The following SLX4IP variants were observed in gnomAD, a reference collection of about 807,000 sequenced individuals.
SLX4IP encodes the protein SLX4 interacting protein.
In SLX4IP, 34 loss-of-function variants were observed where a neutral mutation model predicts 32.9. That is an observed-to-expected ratio of 1.03 (90% CI 0.79 to 1.38). SLX4IP has a LOEUF of 1.38. SLX4IP is among the 40% of genes most tolerant of loss of function. The probability of loss-of-function intolerance (pLI) is 0.00; values close to 1 mark genes in which losing one functional copy is unlikely to be tolerated. For missense variants in SLX4IP, 444 were observed against 479.0 expected, an observed-to-expected ratio of 0.93 and a Z score of 0.68; for synonymous variants, 172 against 171.7, an observed-to-expected ratio of 1.00 and a Z score of -0.01.
At chr20:10,484,816 T>C (rs186737488) in intron 2 of SLX4IP, among the ~76,000 whole-genome samples, 1 of 152,302 alleles carries the variant, frequency 6.6e-6, no homozygotes, top group East Asian at 1.9e-4. Flanking sequence ...GTATTCAAAT[T>C]GTCCATATAG....
chr20:10,515,513 A>G (rs947004802), intron 2 of SLX4IP, among the ~76,000 whole-genome samples: 4 of 152,358 alleles, frequency 2.6e-5, no homozygotes, highest in Admixed American at 6.5e-5. Flanking sequence ...TGTAATTACC[A>G]GTTTTACTTT....
intron 2 of SLX4IP, among the ~76,000 whole-genome samples, chr20:10,464,951 A>G (rs1449743825): frequency 6.6e-6 from 1 of 152,142 alleles, no homozygotes; most frequent in Non-Finnish European, 1.5e-5. Context: ...GCCACCGCAC[A>G]GCTGGCTCTT....
chr20:10,530,433 T>G (rs904232018), intron 2 of SLX4IP, among the ~76,000 whole-genome samples: 1 of 152,206 alleles, frequency 6.6e-6, no homozygotes, highest in Non-Finnish European at 1.5e-5. Context: ...TAACCTTTGA[T>G]GAAGTTAAGA....
In SLX4IP at chr20:10,623,870, C is replaced by G. The variant is rs776002539; in HGVS notation, c.*491C>G. 1 of 157,236 alleles carries G rather than the reference C, an allele frequency of 6.4e-6. No individual in the cohort carries two copies. Among genetic ancestry groups the G allele is most frequent in the Non-Finnish European group, 1.4e-5 (1 of 70,952 alleles). 9.7% of individuals were successfully genotyped at this position (157,236 alleles called of 1,614,324 possible). ...TAGCGCGTGGTCCTGGGACCAGCTTCGTTGTCTGGAAATGTGCTAGAAATG... is the reference window on the plus strand; with the variant it reads ...TAGCGCGTGGTCCTGGGACCAGCTTGGTTGTCTGGAAATGTGCTAGAAATG... On this transcript the variant is annotated 3_prime_UTR_variant, in exon 8 of 8. Coordinates refer to ENST00000334534, the MANE Select transcript of SLX4IP (RefSeq NM_001009608.3).
chr20:10,442,382 T>G (rs2065166303), intron 1 of SLX4IP, among the ~76,000 whole-genome samples: 2 of 152,200 alleles, frequency 1.3e-5, no homozygotes, highest in African/African-American at 4.8e-5. Context: ...TCTTTCTCAC[T>G]CCACTAAAAA....
intron 2 of SLX4IP, among the ~76,000 whole-genome samples, chr20:10,530,087 A>G (rs958150367): frequency 1.4e-4 from 21 of 152,068 alleles, no homozygotes. Context: ...ACAGGCTGAC[A>G]CTCTGCCTAC....
chr20:10,564,244 T>A (rs1419910117), intron 4 of SLX4IP, among the ~76,000 whole-genome samples: 2 of 152,220 alleles, frequency 1.3e-5, no homozygotes. Context: ...TTTATCTAAC[T>A]GCCTGTTTTC....
At position 10,623,434 on chromosome 20, in the gene SLX4IP, A is replaced by C; in HGVS notation, c.*55A>C. The C allele has an allele frequency of 1.3e-6, 2 of 1,539,036 alleles. No homozygotes were observed. The highest frequency in any genetic ancestry group is 1.7e-6 in the Non-Finnish European group (2 of 1,148,240). Reference sequence around the variant, plus strand: ...AGGACATAGTGGCCAAACCTGTGACAAGAGAGCTGCGAATATAGATGCCGG... The same window carrying C: ...AGGACATAGTGGCCAAACCTGTGACCAGAGAGCTGCGAATATAGATGCCGG... On this transcript the variant is annotated 3_prime_UTR_variant, in exon 8 of 8. Transcript: ENST00000334534.
intron 4 of SLX4IP, among the ~76,000 whole-genome samples, chr20:10,593,427 G>A (rs1257292699): frequency 6.6e-6 from 1 of 151,610 alleles, no homozygotes; most frequent in Non-Finnish European, 1.5e-5. Context: ...TTGTGTTTAG[G>A]CAACTGAGGT....
intron 6 of SLX4IP, among the ~76,000 whole-genome samples, chr20:10,620,971 G>A (rs529966551): frequency 3.9e-5 from 6 of 152,316 alleles, no homozygotes; most frequent in Non-Finnish European, 7.4e-5. Context: ...CAGGCACGTT[G>A]CCCCACACAG....
At chr20:10,607,288 G>A (rs1020717970) in intron 6 of SLX4IP, among the ~76,000 whole-genome samples, 1 of 152,086 alleles carries the variant, frequency 6.6e-6, no homozygotes, top group East Asian at 1.9e-4. Context: ...AAGATATTTG[G>A]GTTCTCTGCC....
intron 2 of SLX4IP, among the ~76,000 whole-genome samples, chr20:10,493,110 C>T (rs1029707840): frequency 2.6e-5 from 4 of 152,098 alleles, no homozygotes; most frequent in African/African-American, 9.7e-5. Flanking sequence ...GGTGGTATGT[C>T]TTTTCATCTA....
intron 2 of SLX4IP, among the ~76,000 whole-genome samples, chr20:10,543,514 G>A (rs1372889983): frequency 6.6e-6 from 1 of 152,200 alleles, no homozygotes; most frequent in East Asian, 1.9e-4. Flanking sequence ...GCAAGGAGAG[G>A]TCTAAGGACT....
At chr20:10,478,551 A>C (rs1445113157) in intron 2 of SLX4IP, among the ~76,000 whole-genome samples, 1 of 152,250 alleles carries the variant, frequency 6.6e-6, no homozygotes, top group Non-Finnish European at 1.5e-5. Flanking sequence ...TAATAACACA[A>C]CTACTTATAG....
rs35251948 is a variant in SLX4IP, at chr20:10,592,346, A to AC, written c.239-6320dup. Reference sequence around the variant, plus strand: ...TCCCACAGAACAACCCCTTTCTCCAACCCCCCCCCATCACCAGCAATAGAG... The same window carrying AC: ...TCCCACAGAACAACCCCTTTCTCCAACCCCCCCCCCATCACCAGCAATAGAG... On this transcript the variant is annotated intron_variant, in intron 4 of 7. Coordinates refer to ENST00000334534, the MANE Select transcript of SLX4IP (RefSeq NM_001009608.3). Among the ~76,000 whole-genome samples, 1,259 of 144,434 alleles carry AC rather than the reference A, an allele frequency of 8.7e-3. 13 individuals are homozygous for AC. Among genetic ancestry groups the AC allele is most frequent in the African/African-American group, 0.029 (1,081 of 37,502 alleles). The allele number at this position is 144,434 out of a possible 152,430, so 94.8% of individuals were successfully genotyped here.
intron 2 of SLX4IP, among the ~76,000 whole-genome samples, chr20:10,461,790 C>T (rs1384276350): frequency 1.3e-5 from 2 of 152,018 alleles, no homozygotes; most frequent in Non-Finnish European, 2.9e-5. Flanking sequence ...TGCTTTTTTC[C>T]TCTCTGAAAC....
At chr20:10,526,908 C>T (rs961876163) in intron 2 of SLX4IP, among the ~76,000 whole-genome samples, 6 of 152,148 alleles carry the variant, frequency 3.9e-5, no homozygotes, top group African/African-American at 1.4e-4. Flanking sequence ...GCCAAGATCG[C>T]ACCACTGCAT....
intron 2 of SLX4IP, among the ~76,000 whole-genome samples, chr20:10,470,596 C>G (rs1328281485): frequency 2.0e-5 from 3 of 152,200 alleles, no homozygotes; most frequent in Non-Finnish European, 4.4e-5. Context: ...CACATACACA[C>G]ATGCACACAC....
At chr20:10,491,846 C>A (rs1263717687) in intron 2 of SLX4IP, among the ~76,000 whole-genome samples, 1 of 152,176 alleles carries the variant, frequency 6.6e-6, no homozygotes, top group Non-Finnish European at 1.5e-5. Flanking sequence ...ATAAACTCCT[C>A]ACTTACCCCA....
Sources: gnomAD v4.1 joint callset for allele counts (sites outside exome capture counted in the v4.1 genomes callset) on GRCh38, gnomAD v4.1.1 for gene constraint, MANE v1.5 for transcripts, NCBI Gene and HGNC (gene_info 2026-07-23, HGNC 2026-07-21) for gene names.